The following FOXK1 variants were observed in gnomAD, a reference collection of about 807,000 sequenced individuals.
FOXK1 encodes the protein forkhead box K1.
A neutral mutation model predicts 51.9 loss-of-function variants in FOXK1; 19 were observed. The ratio of observed to expected loss-of-function variants is 0.37; its 90% confidence interval spans 0.26 to 0.54. The LOEUF is 0.54. Among genes scored for constraint, FOXK1 ranks in the 20% least tolerant of loss-of-function variants. The pLI is 0.87. For synonymous variants in FOXK1, 537 were observed against 482.6 expected (o/e 1.11, Z -1.48); for missense variants, 870 against 1,032.7 (o/e 0.84, Z 2.16).
Position 4,758,754 on chromosome 7 carries a change from AC to A in FOXK1, c.1245-295del, listed in dbSNP as rs1365458185. The A allele has an allele frequency of 2.9e-5, 11 of 376,822 alleles. No homozygotes were observed. The Admixed American group carries it at 4.7e-4, about 16-fold the overall frequency. 23.3% of individuals were successfully genotyped at this position (376,822 alleles called of 1,614,324 possible). ...GAAGGCCTGGGCCATTTTCATGGAC[AC>A]CTGGCTGGACCTCGGTGGAAGTGAA... On this transcript the variant is annotated intron_variant, in intron 5 of 8. Coordinates refer to ENST00000328914, the MANE Select transcript of FOXK1 (RefSeq NM_001037165.2). This position sits in a 1 kb window ranked among gnomAD's most constrained non-coding sequence, Gnocchi z 4.4.
intron 1 of FOXK1, among the ~76,000 whole-genome samples, chr7:4,713,791 C>T (rs117071851): frequency 0.034 from 5,125 of 151,784 alleles, 105 homozygotes; most frequent in Middle Eastern, 0.051. Flanking sequence ...CACCCAGCCC[C>T]GTGTTTTCTT....
intron 1 of FOXK1, among the ~76,000 whole-genome samples, chr7:4,684,587 A>G (rs1478407502): frequency 1.3e-5 from 2 of 151,030 alleles, no homozygotes; most frequent in Non-Finnish European, 3.0e-5. Flanking sequence ...TAACCAATAC[A>G]CTCTCTCCGT....
intron 1 of FOXK1, among the ~76,000 whole-genome samples, chr7:4,691,701 CT>C (rs1779893413): frequency 6.6e-6 from 1 of 152,142 alleles, no homozygotes; most frequent in Admixed American, 6.6e-5. Context: ...TTTAACCTTG[CT>C]GGGAAAGGGG....
chr7:4,724,282 G>A (rs1022941456), intron 1 of FOXK1, among the ~76,000 whole-genome samples: 1 of 152,066 alleles, frequency 6.6e-6, no homozygotes, highest in Admixed American at 6.6e-5. Context: ...TGCAACCTCC[G>A]TCTCCCGGGT....
At chr7:4,726,640 C>T (rs1297424778) in intron 1 of FOXK1, among the ~76,000 whole-genome samples, 2 of 151,418 alleles carry the variant, frequency 1.3e-5, no homozygotes, top group African/African-American at 4.8e-5. Context: ...AAAAACCGTG[C>T]CTGGGCCTTG....
intron 1 of FOXK1, among the ~76,000 whole-genome samples, chr7:4,706,490 G>A (rs1299166906): frequency 2.0e-5 from 3 of 152,070 alleles, no homozygotes; most frequent in Non-Finnish European, 4.4e-5. Flanking sequence ...GCTGACAGTT[G>A]GGGGCCCATC....
chr7:4,759,811 A>T, intron 7 of FOXK1: 1 of 620,582 alleles, frequency 1.6e-6, no homozygotes, highest in Non-Finnish European at 2.7e-6. Context: ...CGGGTGGATT[A>T]CTTGAGGTCC....
In FOXK1 at chr7:4,749,612, C is replaced by G. The variant is rs961614093; in HGVS notation, c.747-4847C>G. On this transcript the variant is annotated intron_variant, in intron 2 of 8. Coordinates refer to ENST00000328914, the MANE Select transcript of FOXK1 (RefSeq NM_001037165.2). The surrounding 1 kb of genome is among the most constrained non-coding windows in gnomAD (Gnocchi z 6.0). ...GGGTCCCTCTGTGTCTCTAGGGCTTCAGGAGGGATCAGGTCCCTTCTGACA... is the reference window on the plus strand; with the variant it reads ...GGGTCCCTCTGTGTCTCTAGGGCTTGAGGAGGGATCAGGTCCCTTCTGACA... Among the ~76,000 whole-genome samples the G allele has an allele frequency of 6.6e-6, 1 of 152,206 alleles. No homozygotes were observed. The highest frequency in any genetic ancestry group is 1.5e-5 in the Non-Finnish European group (1 of 68,026).
chr7:4,699,223 A>G (rs1779990159), intron 1 of FOXK1, among the ~76,000 whole-genome samples: 1 of 151,812 alleles, frequency 6.6e-6, no homozygotes, highest in South Asian at 2.1e-4. Context: ...ACAAAATCCC[A>G]ACTTCACTCA....
Position 4,683,004 on chromosome 7 carries a change from C to G in FOXK1, c.560+136C>G. On this transcript the variant is annotated intron_variant, in intron 1 of 8. Transcript: ENST00000328914. This position sits in a 1 kb window ranked among gnomAD's most constrained non-coding sequence, Gnocchi z 4.5. The stretch of plus-strand genomic sequence containing the variant: ...CCCCCCGGCCCACCCCCGGTAACCC[C>G]CGACCGGCCTGGACTCCGGGGTCAA... The G allele has an allele frequency of 1.1e-6, 1 of 932,964 alleles. No individual in the cohort carries two copies. Among genetic ancestry groups the G allele is most frequent in the Non-Finnish European group, 1.5e-6 (1 of 663,894 alleles). 57.8% of individuals were successfully genotyped at this position (932,964 alleles called of 1,614,324 possible).
In FOXK1 at chr7:4,683,976, G is replaced by A. The variant is rs73048412; in HGVS notation, c.560+1108G>A. On this transcript the variant is annotated intron_variant, in intron 1 of 8. Coordinates refer to ENST00000328914, the MANE Select transcript of FOXK1 (RefSeq NM_001037165.2). The surrounding 1 kb of genome is among the most constrained non-coding windows in gnomAD (Gnocchi z 4.5). ...CCCCAAGATCAAATTAGATTCCCCC[G>A]GGCCCGAGGTCACCAGGGCAGAGAG... Among the ~76,000 whole-genome samples, 4,147 of 152,206 alleles carry A rather than the reference G, an allele frequency of 0.027. 87 individuals carry two copies. Among genetic ancestry groups the A allele is most frequent in the Non-Finnish European group, 0.041 (2,816 of 68,014 alleles).
At chr7:4,739,292 A>ATTC (rs1244118664) in intron 1 of FOXK1, among the ~76,000 whole-genome samples, 3 of 152,318 alleles carry the variant, frequency 2.0e-5, no homozygotes, top group African/African-American at 7.2e-5. Flanking sequence ...GCTTATGTAC[A>ATTC]TTCTTTCTTA....
Position 4,722,599 on chromosome 7 carries a change from C to A in FOXK1, c.561-18239C>A, listed in dbSNP as rs1279296753. Among the ~76,000 whole-genome samples the A allele has an allele frequency of 1.3e-5, 2 of 152,260 alleles. No individual in the cohort carries two copies. The highest frequency in any genetic ancestry group is 2.9e-5 in the Non-Finnish European group (2 of 68,052). On this transcript the variant is annotated intron_variant, in intron 1 of 8. Transcript: ENST00000328914. This position sits in a 1 kb window ranked among gnomAD's most constrained non-coding sequence, Gnocchi z 5.1. The stretch of plus-strand genomic sequence containing the variant: ...GGCACACTCGTATACAACGGGCACA[C>A]ATGCACGTCAGCCGCACACTCATGC...
At chr7:4,741,562 C>T (rs1583204734) in intron 2 of FOXK1, among the ~76,000 whole-genome samples, 1 of 152,200 alleles carries the variant, frequency 6.6e-6, no homozygotes, top group Non-Finnish European at 1.5e-5. Flanking sequence ...AACTCCCAAC[C>T]TCAAATGATC....
Position 4,745,309 on chromosome 7 carries a change from AGGAGTCG to A in FOXK1, c.746+4292_746+4298del, listed in dbSNP as rs1426029122. 2.6e-5 allele frequency among the ~76,000 whole-genome samples: 4 copies of A among 151,918 alleles called. No individual in the cohort carries two copies. Among genetic ancestry groups the A allele is most frequent in the African/African-American group, 7.3e-5 (3 of 41,338 alleles). The stretch of plus-strand genomic sequence containing the variant: ...GGCTCGCCCAGGGCCCCTCATTCCC[AGGAGTCG>A]GGAGTGGCTTGGGAGCGGCTTTTTC... On this transcript the variant is annotated intron_variant, in intron 2 of 8. Transcript: ENST00000328914. This position sits in a 1 kb window ranked among gnomAD's most constrained non-coding sequence, Gnocchi z 4.3.
At chr7:4,688,980 T>G (rs1191425295) in intron 1 of FOXK1, among the ~76,000 whole-genome samples, 1 of 127,542 alleles carries the variant, frequency 7.8e-6, no homozygotes, top group Non-Finnish European at 1.9e-5. Flanking sequence ...TCACCTGCAC[T>G]TTTTTTTTTT....
At chr7:4,685,980 G>A (rs908179302) in intron 1 of FOXK1, among the ~76,000 whole-genome samples, 3 of 151,398 alleles carry the variant, frequency 2.0e-5, no homozygotes, top group Non-Finnish European at 2.9e-5. Context: ...ACCAAAAAAC[G>A]ATTCTTAAGC....
Position 4,743,331 on chromosome 7 carries a change from T to C in FOXK1, c.746+2308T>C, listed in dbSNP as rs780257397. On this transcript the variant is annotated intron_variant, in intron 2 of 8. Transcript: ENST00000328914. The surrounding 1 kb of genome is among the most constrained non-coding windows in gnomAD (Gnocchi z 5.3). ...ACTGTGGGAGGCCAAGGCGGGTGGA[T>C]CACTTGAAGCCAGTTCGAGATCAGC... Among the ~76,000 whole-genome samples the C allele has an allele frequency of 1.3e-5, 2 of 152,114 alleles. No homozygotes were observed. The highest frequency in any genetic ancestry group is 2.9e-5 in the Non-Finnish European group (2 of 68,006).
rs761383854 is a variant in FOXK1, at chr7:4,759,373, G to C, written c.1474G>C (p.Ala492Pro). 3.1e-6 allele frequency: 5 copies of C among 1,602,254 alleles called. No individual in the cohort carries two copies. In the East Asian group the frequency reaches 1.1e-4, roughly 36 times the overall value. ...AVPPRPSSLV[A>P]KPVAYMPASI... ...GCCTCCCCGACCGTCCAGCCTCGTG[G>C]CCAAGCCCGTGGCCTACATGCCCGC... Residue 492 changes from alanine (A) to proline (P), a missense_variant, in exon 7 of 9, where the codon GCC (alanine) becomes CCC (proline). Ala to Pro is a conservative substitution (Grantham distance 27). Around this residue, in one of 3 missense-constraint regions of FOXK1, gnomAD observed 457 missense variants for 510.8 expected, o/e 0.89. Transcript: ENST00000328914.
Sources: allele counts gnomAD v4.1 joint callset (sites outside exome capture counted in the v4.1 genomes callset), GRCh38; gene constraint gnomAD v4.1.1; regional missense constraint gnomAD v4.1.1; non-coding constraint Gnocchi (gnomAD v3.1); transcripts MANE v1.5; gene names NCBI Gene and HGNC (gene_info 2026-07-23, HGNC 2026-07-21).